Variants in PPARGC1A observed in about 807,000 individuals in gnomAD.
PPARGC1A encodes PPARG coactivator 1 alpha, also known as peroxisome proliferator-activated receptor gamma coactivator 1-alpha.
Under a neutral mutation model 88.7 loss-of-function variants are expected in PPARGC1A, and 25 were observed. The observed-to-expected ratio is 0.28, with a 90% CI of 0.21 to 0.39. PPARGC1A has a LOEUF of 0.39. Among genes scored for constraint, PPARGC1A ranks in the 10% least tolerant of loss-of-function variants. The probability of loss-of-function intolerance (pLI) is 1.00; values close to 1 mark genes in which losing one functional copy is unlikely to be tolerated. For missense variants in PPARGC1A, 880 were observed against 968.7 expected, an observed-to-expected ratio of 0.91 and a Z score of 1.22; for synonymous variants, 363 against 355.6, an observed-to-expected ratio of 1.02 and a Z score of -0.24.
chr4:24,126,603 G>A, the PPARGC1A span, among the ~76,000 whole-genome samples: 204 of 152,270 alleles, frequency 1.3e-3, 2 homozygotes, highest in East Asian at 0.024. Flanking sequence ...GCCTAAAGAT[G>A]ATGTCCCAGA....
the PPARGC1A span, among the ~76,000 whole-genome samples, chr4:23,982,651 A>C: frequency 6.6e-6 from 1 of 152,172 alleles, no homozygotes; most frequent in South Asian, 2.1e-4. Flanking sequence ...TACAAATAAA[A>C]AAGACCTGAG....
At chr4:23,940,203 T>C in the PPARGC1A span, among the ~76,000 whole-genome samples, 2 of 152,228 alleles carry the variant, frequency 1.3e-5, no homozygotes, top group South Asian at 4.1e-4. Flanking sequence ...TGTCATGTAC[T>C]GTTTCATCGA....
At chr4:24,105,465 C>T in the PPARGC1A span, among the ~76,000 whole-genome samples, 5 of 152,196 alleles carry the variant, frequency 3.3e-5, no homozygotes, top group Admixed American at 1.3e-4. Flanking sequence ...ATAGCAGGGG[C>T]GAAAATCAAT....
At chr4:24,170,057 C>T in the PPARGC1A span, among the ~76,000 whole-genome samples, 3 of 152,114 alleles carry the variant, frequency 2.0e-5, no homozygotes, top group African/African-American at 7.2e-5. Flanking sequence ...CTCATCCTTC[C>T]TCATCATTGA....
chr4:24,465,675 C>T, the PPARGC1A span, among the ~76,000 whole-genome samples: 3 of 152,226 alleles, frequency 2.0e-5, no homozygotes, highest in East Asian at 5.8e-4. Flanking sequence ...TTCATAGAGA[C>T]TGTCTTGCTG....
the PPARGC1A span, among the ~76,000 whole-genome samples, chr4:24,198,085 CA>C: frequency 5.9e-5 from 9 of 152,230 alleles, no homozygotes; most frequent in African/African-American, 2.2e-4. Flanking sequence ...ACAGACATAC[CA>C]AAGCAAAGCA....
rs201233890 is a variant in PPARGC1A, at chr4:23,870,142, GT to G, written c.234+14609del. Among the ~76,000 whole-genome samples the G allele has an allele frequency of 5.9e-3, 894 of 152,314 alleles. 10 individuals are homozygous for G. The highest frequency in any genetic ancestry group is 0.02 in the African/African-American group (850 of 41,574). On this transcript the variant is annotated intron_variant, in intron 2 of 12. Transcript: ENST00000264867. ...GTTAGATCTAAAACTACGTGTTTGT[GT>G]TTGTATATATGCCTCACCTATTTCC...
chr4:24,130,156 AT>A, the PPARGC1A span, among the ~76,000 whole-genome samples: 15 of 152,310 alleles, frequency 9.8e-5, no homozygotes, highest in South Asian at 4.1e-4. Flanking sequence ...AATAAAAAAA[AT>A]AATAATAATA....
the PPARGC1A span, among the ~76,000 whole-genome samples, chr4:24,442,831 G>A: frequency 2.4e-4 from 36 of 152,164 alleles, no homozygotes; most frequent in Non-Finnish European, 4.6e-4. Context: ...AAGTAACCAC[G>A]AGCCTGTATT....
chr4:24,215,109 C>T, the PPARGC1A span, among the ~76,000 whole-genome samples: 1 of 152,174 alleles, frequency 6.6e-6, no homozygotes, highest in East Asian at 1.9e-4. Context: ...CAAGGAAATA[C>T]CGCTCTTGCT....
upstream of PPARGC1A, among the ~76,000 whole-genome samples, chr4:23,900,061 C>T (rs1719126547): frequency 6.6e-6 from 1 of 151,912 alleles, no homozygotes; most frequent in African/African-American, 2.4e-5. Context: ...TAAAGGGGCC[C>T]TTAAACCACT....
At chr4:24,065,064 G>A in the PPARGC1A span, among the ~76,000 whole-genome samples, 33 of 152,268 alleles carry the variant, frequency 2.2e-4, 1 homozygote, top group Admixed American at 3.9e-4. Flanking sequence ...TCACTTCTTC[G>A]TTTCCATGGA....
At chr4:24,083,889 GT>G in the PPARGC1A span, among the ~76,000 whole-genome samples, 1 of 152,226 alleles carries the variant, frequency 6.6e-6, no homozygotes, top group Non-Finnish European at 1.5e-5. Flanking sequence ...CTAACAAACA[GT>G]CATGTGGCCA....
At chr4:23,839,194 A>T (rs1037185614) in intron 2 of PPARGC1A, among the ~76,000 whole-genome samples, 7 of 152,196 alleles carry the variant, frequency 4.6e-5, no homozygotes, top group Non-Finnish European at 1.0e-4. Context: ...ATGAGTTAAT[A>T]AATATGTACT....
chr4:23,914,464 C>A, the PPARGC1A span, among the ~76,000 whole-genome samples: 1 of 152,184 alleles, frequency 6.6e-6, no homozygotes, highest in South Asian at 2.1e-4. Context: ...TCACTACAAT[C>A]TCAGGCTGTC....
At chr4:23,851,397 A>AC (rs913229386) in intron 2 of PPARGC1A, among the ~76,000 whole-genome samples, 7 of 152,192 alleles carry the variant, frequency 4.6e-5, no homozygotes, top group Non-Finnish European at 8.8e-5. Flanking sequence ...ATGGCTATGG[A>AC]CCCAATATCA....
At chr4:24,009,259 T>C in the PPARGC1A span, among the ~76,000 whole-genome samples, 1 of 152,110 alleles carries the variant, frequency 6.6e-6, no homozygotes, top group Admixed American at 6.6e-5. Context: ...TGTGCGATCT[T>C]ACGTTAATAA....
At chr4:24,402,756 C>T in the PPARGC1A span, among the ~76,000 whole-genome samples, 1 of 152,224 alleles carries the variant, frequency 6.6e-6, no homozygotes, top group Admixed American at 6.5e-5. Flanking sequence ...AGCTTGGCTC[C>T]TCACTCTGCT....
At chr4:23,833,519 G>A (rs1238556379) in intron 2 of PPARGC1A, among the ~76,000 whole-genome samples, 1 of 152,176 alleles carries the variant, frequency 6.6e-6, no homozygotes, top group Admixed American at 6.5e-5. Flanking sequence ...GAAGCTAGCA[G>A]TACCCACACT....
Sources: allele counts gnomAD v4.1 joint callset (sites outside exome capture counted in the v4.1 genomes callset), GRCh38; gene constraint gnomAD v4.1.1; transcripts MANE v1.5; gene names NCBI Gene and HGNC (gene_info 2026-07-23, HGNC 2026-07-21).